The following SKAP1 variants were observed in gnomAD, a reference collection of about 807,000 sequenced individuals.
The protein encoded by SKAP1 is src kinase-associated phosphoprotein 1.
In SKAP1, 44 loss-of-function variants were observed where a neutral mutation model predicts 58.5. The ratio of observed to expected loss-of-function variants is 0.75; its 90% CI spans 0.59 to 0.97. The LOEUF (loss-of-function observed/expected upper bound fraction) is 0.97. SKAP1 is among the 50% of genes least tolerant of loss of function. The probability of loss-of-function intolerance (pLI) is 0.00; values close to 1 mark genes in which losing one functional copy is unlikely to be tolerated. For synonymous variants in SKAP1, 127 were observed against 149.7 expected, an observed-to-expected ratio of 0.85 and a Z score of 1.11; for missense variants, 390 against 435.2, an observed-to-expected ratio of 0.90 and a Z score of 0.92.
intron 11 of SKAP1, among the ~76,000 whole-genome samples, chr17:48,139,440 CA>C (rs1418830565): frequency 9.9e-5 from 15 of 152,092 alleles, no homozygotes; most frequent in Admixed American, 9.8e-4. Flanking sequence ...CGCAGCCTCC[CA>C]AAGTACTGGG....
intron 1 of SKAP1, among the ~76,000 whole-genome samples, chr17:48,405,442 TTTCTTTC>T (rs2067565265): frequency 1.3e-5 from 1 of 78,342 alleles, no homozygotes; most frequent in Non-Finnish European, 2.7e-5. Flanking sequence ...TCTTTCTTTC[TTTCTTTC>T]TTTTCTTTCT....
chr17:48,318,293 A>G (rs2066315455), intron 4 of SKAP1, among the ~76,000 whole-genome samples: 1 of 152,228 alleles, frequency 6.6e-6, no homozygotes, highest in African/African-American at 2.4e-5. Context: ...GCAATACTAT[A>G]TCAAGAACAT....
At chr17:48,193,147 T>G (rs553833739) in intron 4 of SKAP1, among the ~76,000 whole-genome samples, 8 of 152,310 alleles carry the variant, frequency 5.3e-5, no homozygotes, top group African/African-American at 1.9e-4. Flanking sequence ...GTTCAAGCGA[T>G]TCTCCTGCTC....
chr17:48,241,344 CTG>C (rs1470702711), intron 4 of SKAP1, among the ~76,000 whole-genome samples: 1 of 152,060 alleles, frequency 6.6e-6, no homozygotes, highest in Non-Finnish European at 1.5e-5. Context: ...GTTTACTCCT[CTG>C]TGTGCATGTG....
chr17:48,186,800 G>A (rs931858587), intron 6 of SKAP1, among the ~76,000 whole-genome samples: 4 of 152,290 alleles, frequency 2.6e-5, no homozygotes, highest in African/African-American at 9.6e-5. Flanking sequence ...CTACCTTAGT[G>A]CCACAGGTGC....
At chr17:48,262,757 A>C (rs1276644561) in intron 4 of SKAP1, among the ~76,000 whole-genome samples, 1 of 152,212 alleles carries the variant, frequency 6.6e-6, no homozygotes, top group Non-Finnish European at 1.5e-5. Flanking sequence ...AGAAGTCAAC[A>C]CTTAATTATT....
intron 4 of SKAP1, among the ~76,000 whole-genome samples, chr17:48,263,184 A>T (rs1319720053): frequency 6.6e-6 from 1 of 152,236 alleles, no homozygotes; most frequent in Non-Finnish European, 1.5e-5. Flanking sequence ...GCTTGTCATT[A>T]ACTACCAGCA....
chr17:48,305,294 C>G (rs1261100756), intron 4 of SKAP1, among the ~76,000 whole-genome samples: 5 of 152,174 alleles, frequency 3.3e-5, no homozygotes, highest in African/African-American at 1.2e-4. Context: ...AAGTGATCCT[C>G]CCACCTTGGC....
chr17:48,184,641 A>T, intron 7 of SKAP1, 82 bp downstream of exon 7: 2 of 1,559,606 alleles, frequency 1.3e-6, no homozygotes, highest in Non-Finnish European at 1.8e-6. Flanking sequence ...GCTGGAACCC[A>T]GCATAGCAAC....
intron 4 of SKAP1, among the ~76,000 whole-genome samples, chr17:48,252,759 T>C (rs1052394353): frequency 1.3e-5 from 2 of 151,110 alleles, no homozygotes; most frequent in African/African-American, 2.4e-5. Flanking sequence ...TGTGTGTATG[T>C]GCTCATGTGT....
chr17:48,248,698 CA>C (rs996687797), intron 4 of SKAP1, among the ~76,000 whole-genome samples: 10 of 150,264 alleles, frequency 6.7e-5, no homozygotes, highest in African/African-American at 2.0e-4. Context: ...ATGACAAATG[CA>C]AAAAAAAATT....
At chr17:48,230,181 G>A (rs928500720) in intron 4 of SKAP1, among the ~76,000 whole-genome samples, 10 of 152,234 alleles carry the variant, frequency 6.6e-5, no homozygotes, top group African/African-American at 2.4e-4. Flanking sequence ...TGTAATATCT[G>A]CCCTGCAATT....
intron 2 of SKAP1, among the ~76,000 whole-genome samples, chr17:48,365,261 T>C (rs939322916): frequency 6.6e-6 from 1 of 152,164 alleles, no homozygotes; most frequent in African/African-American, 2.4e-5. Flanking sequence ...CTTGAAGTCT[T>C]AAACTAACAA....
chr17:48,241,325 T>C (rs1598460883), intron 4 of SKAP1, among the ~76,000 whole-genome samples: 2 of 152,220 alleles, frequency 1.3e-5, no homozygotes, highest in Non-Finnish European at 2.9e-5. Context: ...TCTGTGTCCA[T>C]ATGTATGTGT....
intron 5 of SKAP1, among the ~76,000 whole-genome samples, chr17:48,189,054 T>C (rs2064499616): frequency 6.6e-6 from 1 of 152,142 alleles, no homozygotes; most frequent in South Asian, 2.1e-4. Flanking sequence ...AATTTGAAAG[T>C]AGACTGCTTC....
intron 11 of SKAP1, among the ~76,000 whole-genome samples, chr17:48,137,928 T>C (rs780551259): frequency 2.0e-5 from 3 of 152,212 alleles, no homozygotes; most frequent in Non-Finnish European, 4.4e-5. Context: ...ATATCTCCCT[T>C]CTATCTTGTG....
rs1199032711 is a variant in SKAP1 at position 48,187,909 on chromosome 17, A to G, written c.376T>C (p.Ser126Pro). 6.2e-7 allele frequency: 1 copy of G among 1,613,948 alleles called. No homozygotes were observed. Reference protein sequence around the residue: ...KKSKDHSFFGSEWQKRWCVVS... With the variant: ...KKSKDHSFFGPEWQKRWCVVS... Reference sequence around the variant, plus strand: ...ACACACCATCGCTTCTGCCACTCCGATCCAAAGAAACTATGATCTAAACAG... The same window carrying G: ...ACACACCATCGCTTCTGCCACTCCGGTCCAAAGAAACTATGATCTAAACAG... Residue 126 changes from serine (S) to proline (P), a missense_variant, in exon 6 of 13, where the codon TCG (serine) becomes CCG (proline). Ser to Pro is a moderately conservative substitution (Grantham distance 74). Transcript: ENST00000336915.
chr17:48,432,031 G>A (rs34312987), upstream of SKAP1, among the ~76,000 whole-genome samples: 4,486 of 152,280 alleles, frequency 0.029, 248 homozygotes, highest in African/African-American at 0.1. Flanking sequence ...AGTGTCACAT[G>A]ACCCACCTAC....
intron 11 of SKAP1, among the ~76,000 whole-genome samples, chr17:48,143,284 T>A (rs1419573282): frequency 2.0e-5 from 3 of 146,538 alleles, no homozygotes; most frequent in African/African-American, 5.1e-5. Context: ...AACCTCTGCC[T>A]CCTGGGCTCG....
Sources: allele counts gnomAD v4.1 joint callset (sites outside exome capture counted in the v4.1 genomes callset), GRCh38; gene constraint gnomAD v4.1.1; transcripts MANE v1.5; gene names NCBI Gene and HGNC (gene_info 2026-07-23, HGNC 2026-07-21).